Variants in ZNF75A observed in about 807,000 individuals in gnomAD.
The protein encoded by ZNF75A is zinc finger protein 75A.
ZNF75A carries 36 observed loss-of-function variants against 46.3 expected under a neutral mutation model. That is an observed-to-expected ratio of 0.78 (90% CI 0.60 to 1.03). The LOEUF (loss-of-function observed/expected upper bound fraction) is 1.03, where lower values mean the gene tolerates loss of function less well. Among genes scored for constraint, ZNF75A ranks in the 50% least tolerant of loss-of-function variants. The pLI is 0.00. For synonymous variants in ZNF75A, 234 were observed against 189.9 expected (o/e 1.23, Z -1.91); for missense variants, 595 against 551.3 (o/e 1.08, Z -0.79).
rs548858856 is a variant in ZNF75A, at chr16:3,308,639, G to A, written c.211G>A (p.Glu71Lys). 1.0e-6 allele frequency: 1 copy of A among 987,116 alleles called. No homozygotes were observed. The highest frequency in any genetic ancestry group is 4.6e-5 in the South Asian group (1 of 21,908). The allele number at this position is 987,116 out of a possible 1,614,324, so 61.1% of individuals were successfully genotyped here. Reference sequence around the variant, plus strand: ...CCGTGAGGCTGTCAGCAAACTTCAAGAATTATGTCATCTATGGCTGAAGCC... The same window carrying A: ...CCGTGAGGCTGTCAGCAAACTTCAAAAATTATGTCATCTATGGCTGAAGCC... ...GPREAVSKLQ[E>K]LCHLWLKPEI... is the part of the protein sequence containing the mutation. The change falls in exon 2 of 7, where the codon GAA becomes AAA. Residue 71 changes from glutamate (E) to lysine (K), a missense_variant. Physicochemically the swap from Glu to Lys is moderately conservative, Grantham distance 56 (BLOSUM62 1). Coordinates refer to ENST00000669516, the MANE Select transcript of ZNF75A (RefSeq NM_001302109.2).
intron 1 of ZNF75A, chr16:3,307,823 C>A (rs79456552): frequency 0.033 from 5,093 of 152,068 alleles, 303 homozygotes; most frequent in African/African-American, 0.12. Context: ...AGCCACTGCA[C>A]CTGGCCTAAA....
Position 3,308,599 on chromosome 16 carries a change from T to C in ZNF75A, c.171T>C (p.Asp57=), listed in dbSNP as rs1331465058. Residue 57 remains aspartate, a synonymous_variant, in exon 2 of 7, where the codon GAT becomes GAC. Transcript: ENST00000669516. ...SCWHFRNFTY[D]EAGGPREAVS... is the part of the protein sequence containing the mutation. ...GGCACTTCCGGAATTTCACCTATGA[T>C]GAAGCAGGTGGACCCCGTGAGGCTG... 1.0e-6 allele frequency: 1 copy of C among 985,988 alleles called. No individual in the cohort carries two copies. The highest frequency in any genetic ancestry group is 1.7e-5 in the African/African-American group (1 of 57,244). 61.1% of individuals were successfully genotyped at this position (985,988 alleles called of 1,614,324 possible).
At chr16:3,314,901 A>C (rs1283665002) in intron 5 of ZNF75A, 1 of 985,236 alleles carries the variant, frequency 1.0e-6, no homozygotes, top group Non-Finnish European at 1.2e-6. Flanking sequence ...TTTTGTGTAG[A>C]AGTTGAGCAA....
chr16:3,311,763 A>G lies in ZNF75A; in HGVS notation c.419A>G (p.His140Arg), dbSNP rs1960818520. 4 of 1,050,278 alleles carry G rather than the reference A, an allele frequency of 3.8e-6. No individual in the cohort carries two copies. 65.1% of individuals were successfully genotyped at this position (1,050,278 alleles called of 1,614,324 possible). Reference protein sequence around the residue: ...SGQTWNGVAVHELGKEAVLLG... With the variant: ...SGQTWNGVAVRELGKEAVLLG... ...GGGAATTATTTCTAGGTTGCAGTCC[A>G]TGAGCTGGGAAAGGAGGCAGTGCTC... is the stretch of plus-strand genomic sequence containing the variant. Residue 140 changes from histidine (H) to arginine (R), a missense_variant, in exon 3 of 7, where the codon CAT (histidine) becomes CGT (arginine). Physicochemically the swap from His to Arg is conservative, Grantham distance 29 (BLOSUM62 0). Transcript: ENST00000669516.
chr16:3,313,208 G>C lies in ZNF75A; in HGVS notation c.823+33G>C, dbSNP rs373035723. On this transcript the variant is annotated intron_variant, in intron 5 of 6. Coordinates refer to ENST00000669516, the MANE Select transcript of ZNF75A (RefSeq NM_001302109.2). The stretch of plus-strand genomic sequence containing the variant: ...TTTTCCCTTCCCTTTATGTAGTTGA[G>C]TACTCTATTCTTGGCTTACTGAGAA... 5.0e-6 allele frequency: 8 copies of C among 1,606,998 alleles called. No homozygotes were observed. The African/African-American group carries it at 8.1e-5, about 16-fold the overall frequency.
downstream of ZNF75A, among the ~76,000 whole-genome samples, chr16:3,319,473 C>G (rs942630016): frequency 6.6e-6 from 1 of 152,182 alleles, no homozygotes; most frequent in Non-Finnish European, 1.5e-5. Context: ...ATAGCTCTTA[C>G]CCAGCACCAC....
intron 2 of ZNF75A, among the ~76,000 whole-genome samples, chr16:3,309,807 TAAAGAA>T (rs902772724): frequency 4.8e-5 from 7 of 147,100 alleles, no homozygotes; most frequent in African/African-American, 7.6e-5. Flanking sequence ...CAAGGACACT[TAAAGAA>T]AAGGAGAAAT....
At chr16:3,316,129 T>G (rs1216524644) in intron 5 of ZNF75A, 1 of 152,258 alleles carries the variant, frequency 6.6e-6, no homozygotes, top group Non-Finnish European at 1.5e-5. Context: ...TTTAATTTTC[T>G]TTAAAACATT....
intron 1 of ZNF75A, 73 bp from the exon 2 acceptor site, chr16:3,308,240 T>G (rs548504806): frequency 5.4e-6 from 1 of 184,928 alleles, no homozygotes; most frequent in African/African-American, 2.4e-5. Flanking sequence ...TTCTTCTTTC[T>G]CTCATAAGTC....
Position 3,311,666 on chromosome 16 carries a change from A to G in ZNF75A, c.409-87A>G, listed in dbSNP as rs1053165856. On this transcript the variant is annotated intron_variant, in intron 2 of 6. Coordinates refer to ENST00000669516, the MANE Select transcript of ZNF75A (RefSeq NM_001302109.2). ...TTTTTTAGTGTCTTATACTACCCAC[A>G]ATGTGGGCTGTACACCTGTCGCTCT... The G allele has an allele frequency of 9.5e-5, 64 of 670,440 alleles. No homozygotes were observed. The African/African-American group carries it at 1.2e-3, about 13-fold the overall frequency. The allele number at this position is 670,440 out of a possible 1,614,324, so 41.5% of individuals were successfully genotyped here.
At chr16:3,322,823 A>T (rs558703621), downstream of ZNF75A, 3 of 790,302 alleles carry the variant, frequency 3.8e-6, no homozygotes, top group African/African-American at 5.6e-5. Context: ...TCCAGATTCA[A>T]TTATGTCCCT....
chr16:3,312,171 A>G (rs1440991369), intron 3 of ZNF75A: 1 of 153,052 alleles, frequency 6.5e-6, no homozygotes, highest in Non-Finnish European at 1.5e-5. Flanking sequence ...AACTCTTGGT[A>G]ATAACAGTGT....
intron 5 of ZNF75A, chr16:3,315,988 T>A (rs1961178224): frequency 6.6e-6 from 1 of 152,238 alleles, no homozygotes; most frequent in Non-Finnish European, 1.5e-5. Flanking sequence ...TTGCCTTGCA[T>A]ACTTTTCTGC....
In ZNF75A at chr16:3,318,820, C is replaced by T. The variant is rs138605857; in HGVS notation, c.*951C>T. 2.2e-4 allele frequency: 219 copies of T among 985,410 alleles called. No individual in the cohort carries two copies. In the African/African-American group the frequency reaches 3.6e-3, roughly 16 times the overall value. 61.0% of individuals were successfully genotyped at this position (985,410 alleles called of 1,614,324 possible). A position where few individuals can be genotyped will look rare whatever the true frequency, so the allele number is the denominator to read the frequency against. ...ACCTGGACATGTAGTCAGCAGGAGA[C>T]GGTTCCCTAAATAAAAGATTTGGGC... On this transcript the variant is annotated 3_prime_UTR_variant, in exon 7 of 7. Coordinates refer to ENST00000669516, the MANE Select transcript of ZNF75A (RefSeq NM_001302109.2).
downstream of ZNF75A, among the ~76,000 whole-genome samples, chr16:3,320,744 G>A (rs934734959): frequency 6.6e-6 from 1 of 152,198 alleles, no homozygotes; most frequent in Non-Finnish European, 1.5e-5. Flanking sequence ...TCATATGCAT[G>A]CAGGAGATTT....
intron 5 of ZNF75A, among the ~76,000 whole-genome samples, chr16:3,313,605 T>A (rs1960976886): frequency 6.6e-6 from 1 of 152,258 alleles, no homozygotes; most frequent in Non-Finnish European, 1.5e-5. Flanking sequence ...ACTGTTAGCA[T>A]CCTGGTGTAA....
Position 3,317,820 on chromosome 16 carries a change from A to G in ZNF75A, c.1565A>G (p.Asn522Ser). ...QPYTCSICRR[N>S]FSRRSSLLRH... ...TATACTTGTAGCATATGCAGGAGAA[A>G]CTTCAGCAGGCGGTCAAGCCTTCTT... The change falls in exon 7 of 7, where the codon AAC (asparagine) becomes AGC (serine). Residue 522 changes from asparagine to serine, a missense_variant. By Grantham distance (46) the Asn-to-Ser change is conservative. Coordinates refer to ENST00000669516, the MANE Select transcript of ZNF75A (RefSeq NM_001302109.2). 1.2e-6 allele frequency: 2 copies of G among 1,613,544 alleles called. No individual in the cohort carries two copies. The highest frequency in any genetic ancestry group is 1.7e-6 in the Non-Finnish European group (2 of 1,179,650).
At chr16:3,315,831 C>A (rs956614968) in intron 5 of ZNF75A, among the ~76,000 whole-genome samples, 1 of 152,212 alleles carries the variant, frequency 6.6e-6, no homozygotes, top group Admixed American at 6.5e-5. Context: ...AAACTTCTTA[C>A]CAAGGCCTCA....
chr16:3,311,033 G>A lies in ZNF75A; in HGVS notation c.409-720G>A, dbSNP rs574319736. ...GGCTATAGGGATAATCAGGCTGACA[G>A]GAAAACTTTTAAATTCATTTATTTG... is the stretch of plus-strand genomic sequence containing the variant. On this transcript the variant is annotated intron_variant, in intron 2 of 6. Transcript: ENST00000669516. The A allele has an allele frequency of 1.1e-4, 82 of 776,208 alleles. 1 individual carries two copies. The African/African-American group carries it at 1.5e-3, about 14-fold the overall frequency. 48.1% of individuals were successfully genotyped at this position (776,208 alleles called of 1,614,324 possible). A position where few individuals can be genotyped will look rare whatever the true frequency, so the allele number is the denominator to read the frequency against.
Sources: gnomAD v4.1 joint callset for allele counts (sites outside exome capture counted in the v4.1 genomes callset) on GRCh38, gnomAD v4.1.1 for gene constraint, MANE v1.5 for transcripts, NCBI Gene and HGNC (gene_info 2026-07-23, HGNC 2026-07-21) for gene names.